Variants in STPG2 observed in about 807,000 individuals in gnomAD.
STPG2 encodes the protein sperm tail PG-rich repeat containing 2.
In STPG2, 56 loss-of-function variants were observed where a neutral mutation model predicts 54.2. The observed-to-expected ratio is 1.03, with a 90% CI of 0.83 to 1.29. STPG2 has a LOEUF of 1.29. Ranked by LOEUF, STPG2 falls within the 50% of genes most tolerant of loss-of-function variation. The probability of loss-of-function intolerance (pLI) is 0.00; values close to 1 mark genes in which losing one functional copy is unlikely to be tolerated. For synonymous variants in STPG2, 200 were observed against 181.8 expected (o/e 1.10, Z -0.81); for missense variants, 596 against 544.9 (o/e 1.09, Z -0.93).
intron 5 of STPG2, among the ~76,000 whole-genome samples, chr4:98,079,391 G>GA (rs1281906000): frequency 6.6e-6 from 1 of 152,110 alleles, no homozygotes; most frequent in Non-Finnish European, 1.5e-5. Context: ...AGACAGATGT[G>GA]GGTCACCCAG....
intron 4 of STPG2, among the ~76,000 whole-genome samples, chr4:97,453,325 C>T (rs753976761): frequency 1.3e-5 from 2 of 152,240 alleles, no homozygotes; most frequent in African/African-American, 4.8e-5. Flanking sequence ...TCTGACTGTG[C>T]AGTATCTGGA....
chr4:97,658,460 A>G (rs1722280894), intron 10 of STPG2, among the ~76,000 whole-genome samples: 1 of 152,200 alleles, frequency 6.6e-6, no homozygotes, highest in African/African-American at 2.4e-5. Flanking sequence ...GGCTGCAGGA[A>G]AGTGTGACAT....
intron 9 of STPG2, among the ~76,000 whole-genome samples, chr4:97,800,727 A>T (rs1398534464): frequency 6.6e-6 from 1 of 152,120 alleles, no homozygotes; most frequent in Non-Finnish European, 1.5e-5. Flanking sequence ...AGGGACATTC[A>T]AGTCTGCAGT....
At chr4:97,827,236 C>CTTT (rs34545198) in intron 9 of STPG2, among the ~76,000 whole-genome samples, 16 of 129,950 alleles carry the variant, frequency 1.2e-4, no homozygotes, top group Non-Finnish European at 1.6e-4. Flanking sequence ...CTATAGACAG[C>CTTT]TTTTTTTTTT....
At position 97,631,049 on chromosome 4, in the gene STPG2, G is replaced by GAC. The variant is rs1204489552; in HGVS notation, c.1321-71934_1321-71933dup. Among the ~76,000 whole-genome samples the GAC allele has an allele frequency of 4.0e-5, 6 of 151,722 alleles. No homozygotes were observed. In the South Asian group the frequency reaches 6.2e-4, roughly 16 times the overall value. ...AAAACTACTCTGAAAATGATAACAA[G>GAC]ACACACACACACATTTATGTACATA... On this transcript the variant is annotated intron_variant, in intron 10 of 10. Transcript: ENST00000295268.
chr4:98,080,338 C>A (rs145329111), intron 5 of STPG2, among the ~76,000 whole-genome samples: 163 of 152,154 alleles, frequency 1.1e-3, no homozygotes, highest in East Asian at 5.0e-3. Context: ...AAGCAATATA[C>A]CTGCCTCAGT....
intron 8 of STPG2, among the ~76,000 whole-genome samples, chr4:97,858,823 A>G (rs1404010365): frequency 3.3e-5 from 5 of 152,148 alleles, no homozygotes; most frequent in Admixed American, 6.6e-5. Flanking sequence ...AGCTGATACC[A>G]TATTTTTGGA....
chr4:97,923,195 C>G (rs529644099), intron 8 of STPG2, among the ~76,000 whole-genome samples: 1 of 152,258 alleles, frequency 6.6e-6, no homozygotes, highest in Non-Finnish European at 1.5e-5. Context: ...CTGTGGGAGC[C>G]CCTTTCTGGG....
At chr4:97,551,501 T>C (rs1373930997) in intron 4 of STPG2, among the ~76,000 whole-genome samples, 1 of 152,170 alleles carries the variant, frequency 6.6e-6, no homozygotes, top group Non-Finnish European at 1.5e-5. Context: ...AAATACAACA[T>C]TATGCCATTT....
At chr4:97,511,857 A>C (rs1165049441) in intron 4 of STPG2, among the ~76,000 whole-genome samples, 7 of 152,040 alleles carry the variant, frequency 4.6e-5, no homozygotes, top group African/African-American at 1.7e-4. Context: ...AAAAGGAAGA[A>C]AAAAAATTCC....
At chr4:97,672,582 T>C (rs1347889499) in intron 10 of STPG2, among the ~76,000 whole-genome samples, 1 of 151,990 alleles carries the variant, frequency 6.6e-6, no homozygotes, top group Non-Finnish European at 1.5e-5. Context: ...TCCAATACAG[T>C]AAGGAGAGTT....
intron 8 of STPG2, among the ~76,000 whole-genome samples, chr4:97,874,381 A>G (rs559517420): frequency 6.6e-6 from 1 of 151,920 alleles, no homozygotes; most frequent in South Asian, 2.1e-4. Flanking sequence ...ATTGACATAC[A>G]GTAAACTTCA....
At chr4:98,129,605 C>T (rs1048239714) in intron 2 of STPG2, among the ~76,000 whole-genome samples, 8 of 151,504 alleles carry the variant, frequency 5.3e-5, no homozygotes, top group East Asian at 1.9e-4. Context: ...ATCCTTTTAT[C>T]GAAATTTGGA....
At chr4:98,000,149 T>C (rs1735370610) in intron 5 of STPG2, among the ~76,000 whole-genome samples, 1 of 152,162 alleles carries the variant, frequency 6.6e-6, no homozygotes, top group Non-Finnish European at 1.5e-5. Context: ...AACATCTAGA[T>C]TGAATATTTT....
At chr4:97,572,224 G>T (rs1732618796) in intron 10 of STPG2, among the ~76,000 whole-genome samples, 2 of 152,084 alleles carry the variant, frequency 1.3e-5, no homozygotes, top group African/African-American at 4.8e-5. Flanking sequence ...ATGGCAGGAG[G>T]ATCTGTGGAC....
intron 4 of STPG2, among the ~76,000 whole-genome samples, chr4:97,452,345 CA>C (rs2148799330): frequency 6.6e-6 from 1 of 152,202 alleles, no homozygotes; most frequent in East Asian, 1.9e-4. Flanking sequence ...CAGGTGGAGA[CA>C]GACAGATTCC....
intron 4 of STPG2, among the ~76,000 whole-genome samples, chr4:97,507,278 C>T (rs528153031): frequency 3.9e-5 from 6 of 152,036 alleles, no homozygotes; most frequent in Admixed American, 2.0e-4. Context: ...AGAATTATGA[C>T]TAGAGATAAC....
At chr4:97,885,086 T>G (rs1730514790) in intron 8 of STPG2, among the ~76,000 whole-genome samples, 1 of 152,078 alleles carries the variant, frequency 6.6e-6, no homozygotes, top group Non-Finnish European at 1.5e-5. Flanking sequence ...CTACTAAAGG[T>G]ACTACAGAAA....
chr4:97,521,849 C>T (rs1187664677), intron 4 of STPG2, among the ~76,000 whole-genome samples: 1 of 151,868 alleles, frequency 6.6e-6, no homozygotes, highest in Non-Finnish European at 1.5e-5. Flanking sequence ...GTGATGCATG[C>T]TTGTAGTATC....
Sources: allele counts gnomAD v4.1 joint callset (sites outside exome capture counted in the v4.1 genomes callset), GRCh38; gene constraint gnomAD v4.1.1; transcripts MANE v1.5; gene names NCBI Gene and HGNC (gene_info 2026-07-23, HGNC 2026-07-21).